Variants in NAXD observed in about 807,000 individuals in gnomAD.
NAXD encodes the protein NAD(P)HX dehydratase.
NAXD carries 22 observed loss-of-function variants against 35.8 expected under a neutral mutation model. The ratio of observed to expected loss-of-function variants is 0.62; its 90% CI spans 0.44 to 0.88. The LOEUF (loss-of-function observed/expected upper bound fraction) is 0.88. NAXD is among the 40% of genes least tolerant of loss of function. NAXD has a pLI of 0.00. For missense variants in NAXD, 428 were observed against 437.7 expected, an observed-to-expected ratio of 0.98 and a Z score of 0.20; for synonymous variants, 189 against 177.6, an observed-to-expected ratio of 1.06 and a Z score of -0.51.
At position 110,615,599 on chromosome 13, in the gene NAXD, C is replaced by T; in HGVS notation, c.-3C>T. ...GGCAGCTGGGAATCCGGAATGCTGC[C>T]CGATGGCCCTGGGTCCTCGCTGTGG... On this transcript the variant is annotated 5_prime_UTR_variant, in exon 1 of 10. Coordinates refer to ENST00000680254, the MANE Select transcript of NAXD (RefSeq NM_001242882.2). 7.2e-7 allele frequency: 1 copy of T among 1,394,906 alleles called. No individual in the cohort carries two copies. Among genetic ancestry groups the T allele is most frequent in the South Asian group, 1.5e-5 (1 of 66,134 alleles). The allele number at this position is 1,394,906 out of a possible 1,614,324, so 86.4% of individuals were successfully genotyped here.
chr13:110,638,376 A>G lies in NAXD; in HGVS notation c.840-2A>G, dbSNP rs1236554448. 6.2e-7 allele frequency: 1 copy of G among 1,613,696 alleles called. No individual in the cohort carries two copies. Among genetic ancestry groups the G allele is most frequent in the South Asian group, 1.1e-5 (1 of 91,052 alleles). ...CACCTCCTGCTGTCCCCCTCTCCGC[A>G]GGTCCAGCCCTCTCCTGGTGGCCGC... On this transcript the variant is annotated splice_acceptor_variant, in intron 9 of 9. Coordinates refer to ENST00000680254, the MANE Select transcript of NAXD (RefSeq NM_001242882.2). LOFTEE classifies it high-confidence loss of function. This position sits in a 1 kb window ranked among gnomAD's most constrained non-coding sequence, Gnocchi z 5.4.
chr13:110,616,167 G>C (rs1886045099), intron 1 of NAXD: 1 of 206,610 alleles, frequency 4.8e-6, no homozygotes, highest in South Asian at 1.8e-4. Context: ...CTTGCTGTTT[G>C]GTCGGAGCTG....
At chr13:110,632,112 T>C (rs1485913921) in intron 5 of NAXD, among the ~76,000 whole-genome samples, 8 of 128,388 alleles carry the variant, frequency 6.2e-5, no homozygotes, top group Admixed American at 5.5e-4. Flanking sequence ...TGGAGTCTGT[T>C]CCTTCTGATG....
chr13:110,620,767 C>T (rs183785061), intron 1 of NAXD, among the ~76,000 whole-genome samples: 51 of 152,248 alleles, frequency 3.3e-4, no homozygotes, highest in African/African-American at 1.2e-3. Context: ...TGCTGTGAAA[C>T]GCTCAGTGAG....
In NAXD at chr13:110,622,255, T is replaced by C; in HGVS notation, c.86T>C (p.Ile29Thr). ...TTTTCGCTACGTAAAGCACATTCGATAAAGGATATGGAAAATACTTTGCAG... is the reference window on the plus strand; with the variant it reads ...TTTTCGCTACGTAAAGCACATTCGACAAAGGATATGGAAAATACTTTGCAG... ...RAFSLRKAHS[I>T]KDMENTLQLV... Residue 29 changes from isoleucine (I) to threonine (T), a missense_variant, in exon 2 of 10, where the codon ATA (isoleucine) becomes ACA (threonine). Physicochemically the swap from Ile to Thr is moderately conservative, Grantham distance 89 (BLOSUM62 -1). Coordinates refer to ENST00000680254, the MANE Select transcript of NAXD (RefSeq NM_001242882.2). 1 of 1,614,136 alleles carries C rather than the reference T, an allele frequency of 6.2e-7. No homozygotes were observed. The highest frequency in any genetic ancestry group is 8.5e-7 in the Non-Finnish European group (1 of 1,179,984).
Position 110,627,665 on chromosome 13 carries a change from TTGAGA to T in NAXD, c.441+120_441+124del, listed in dbSNP as rs376375207. On this transcript the variant is annotated intron_variant, in intron 5 of 9. Coordinates refer to ENST00000680254, the MANE Select transcript of NAXD (RefSeq NM_001242882.2). Reference sequence around the variant, plus strand: ...TTCCGTGTGCCTCTTTGTGGCATGATTGAGATAAGATTTGAGGGACGGAGGAGAAA... The same window carrying T: ...TTCCGTGTGCCTCTTTGTGGCATGATTAAGATTTGAGGGACGGAGGAGAAA... 2.2e-4 allele frequency: 153 copies of T among 690,786 alleles called. 2 individuals carry two copies. Among genetic ancestry groups the T allele is most frequent in the African/African-American group, 2.1e-3 (118 of 56,590 alleles). The allele number at this position is 690,786 out of a possible 1,614,324, so 42.8% of individuals were successfully genotyped here.
Position 110,638,289 on chromosome 13 carries a change from C to T in NAXD, c.840-89C>T, listed in dbSNP as rs768705379. 1.2e-6 allele frequency: 2 copies of T among 1,604,120 alleles called. No homozygotes were observed. Among genetic ancestry groups the T allele is most frequent in the Non-Finnish European group, 1.7e-6 (2 of 1,175,544 alleles). ...ACAATTTGGGGTCCTGAGATTGAAA[C>T]AGGAGTCAAAACCAGAGCCCAGGGT... On this transcript the variant is annotated intron_variant, in intron 9 of 9. Transcript: ENST00000680254. This position sits in a 1 kb window ranked among gnomAD's most constrained non-coding sequence, Gnocchi z 5.4.
In NAXD at chr13:110,638,968, C is replaced by T; in HGVS notation, c.*440C>T. On this transcript the variant is annotated 3_prime_UTR_variant, in exon 10 of 10. Coordinates refer to ENST00000680254, the MANE Select transcript of NAXD (RefSeq NM_001242882.2). The surrounding 1 kb of genome is among the most constrained non-coding windows in gnomAD (Gnocchi z 5.4). The stretch of plus-strand genomic sequence containing the variant: ...CCGGCAGGGAGCTGGGCAGGGGTCC[C>T]CGGGTGTCTCCCTGAGTCCCGACTG... The T allele has an allele frequency of 2.8e-6, 1 of 354,620 alleles. No homozygotes were observed. The allele number at this position is 354,620 out of a possible 1,614,324, so 22.0% of individuals were successfully genotyped here. A position where few individuals can be genotyped will look rare whatever the true frequency, so the allele number is the denominator to read the frequency against.
Position 110,632,807 on chromosome 13 carries a change from T to C in NAXD, c.442-1738T>C, listed in dbSNP as rs369958580. The stretch of plus-strand genomic sequence containing the variant: ...AGAGCAGCTAGATACAGAGTGTCGA[T>C]TGGTGCATTCACAAACCCTGAGCTA... On this transcript the variant is annotated intron_variant, in intron 5 of 9. Coordinates refer to ENST00000680254, the MANE Select transcript of NAXD (RefSeq NM_001242882.2). Among the ~76,000 whole-genome samples, 59 of 151,082 alleles carry C rather than the reference T, an allele frequency of 3.9e-4. 1 individual carries two copies. In the South Asian group the frequency reaches 0.012, roughly 31 times the overall value.
intron 8 of NAXD, among the ~76,000 whole-genome samples, chr13:110,636,857 G>A (rs1285360291): frequency 6.6e-6 from 1 of 152,228 alleles, no homozygotes; most frequent in Non-Finnish European, 1.5e-5. Context: ...GTTCCGAGCT[G>A]CAGGTGTCTC....
Position 110,638,239 on chromosome 13 carries a change from CAG to C in NAXD, c.840-138_840-137del, listed in dbSNP as rs936183929. 5 of 1,554,654 alleles carry C rather than the reference CAG, an allele frequency of 3.2e-6. No homozygotes were observed. Among genetic ancestry groups the C allele is most frequent in the African/African-American group, 2.7e-5 (2 of 72,874 alleles). On this transcript the variant is annotated intron_variant, in intron 9 of 9. Transcript: ENST00000680254. The surrounding 1 kb of genome is among the most constrained non-coding windows in gnomAD (Gnocchi z 5.4). The stretch of plus-strand genomic sequence containing the variant: ...CGCTGTGATAAACCTGCTTTCTCCT[CAG>C]GGGCATATCAGACTTGAAATTGACA...
At position 110,632,400 on chromosome 13, in the gene NAXD, A is replaced by G. The variant is rs192898936; in HGVS notation, c.442-2145A>G. ...AAGAACAAAGTTTCCACAGCGTGGA[A>G]GGGGACCCGAGCGGGTTACCAATGC... On this transcript the variant is annotated intron_variant, in intron 5 of 9. Transcript: ENST00000680254. Among the ~76,000 whole-genome samples the G allele has an allele frequency of 6.8e-4, 103 of 152,318 alleles. 2 individuals carry two copies. Among genetic ancestry groups the G allele is most frequent in the African/African-American group, 2.0e-3 (84 of 41,576 alleles).
At position 110,622,240 on chromosome 13, in the gene NAXD, G is replaced by A. The variant is rs149247530; in HGVS notation, c.71G>A (p.Arg24His). The change falls in exon 2 of 10, where the codon CGT (arginine) becomes CAT (histidine). Residue 24 changes from arginine (R) to histidine (H), a missense_variant. Coordinates refer to ENST00000680254, the MANE Select transcript of NAXD (RefSeq NM_001242882.2). The part of the protein sequence containing the change: ...RRVLERAFSL[R>H]KAHSIKDMEN... ...GTTTTAGAAAGAGCGTTTTCGCTAC[G>A]TAAAGCACATTCGATAAAGGATATG... is the stretch of plus-strand genomic sequence containing the variant. 86 of 1,613,346 alleles carry A rather than the reference G, an allele frequency of 5.3e-5. No individual in the cohort carries two copies. The highest frequency in any genetic ancestry group is 1.2e-4 in the South Asian group (11 of 91,004).
chr13:110,635,485 C>T lies in NAXD; in HGVS notation c.615C>T (p.Asp205=). 6.2e-7 allele frequency: 1 copy of T among 1,614,094 alleles called. No individual in the cohort carries two copies. The highest frequency in any genetic ancestry group is 8.5e-7 in the Non-Finnish European group (1 of 1,179,958). ...LYDAVLRGPM[D]SDDSHGSVLR... is the part of the protein sequence containing the mutation. ...TGTCATAGCTCAGAGGCCCTATGGA[C>T]AGCGATGACAGCCATGGATCTGTGC... The change falls in exon 8 of 10, where the codon GAC becomes GAT. Residue 205 remains aspartate (D), a synonymous_variant. Transcript: ENST00000680254.
At chr13:110,620,155 T>A (rs1886203856) in intron 1 of NAXD, among the ~76,000 whole-genome samples, 1 of 152,008 alleles carries the variant, frequency 6.6e-6, no homozygotes, top group South Asian at 2.1e-4. Flanking sequence ...TTAGCCCTCC[T>A]GGAGGGATTT....
chr13:110,619,593 C>T (rs955192985), intron 1 of NAXD, among the ~76,000 whole-genome samples: 2 of 152,168 alleles, frequency 1.3e-5, no homozygotes, highest in South Asian at 2.1e-4. Context: ...TAAAACTACA[C>T]GCATGCATCT....
intron 7 of NAXD, 113 bp downstream of exon 7, chr13:110,634,889 A>T: frequency 1.3e-6 from 1 of 759,368 alleles, no homozygotes; most frequent in Non-Finnish European, 2.2e-6. Context: ...ACCTGCAAGT[A>T]ATCGCTGTGC....
At position 110,625,211 on chromosome 13, in the gene NAXD, T is replaced by C; in HGVS notation, c.265T>C (p.Phe89Leu). The C allele has an allele frequency of 1.2e-6, 2 of 1,613,920 alleles. No homozygotes were observed. Among genetic ancestry groups the C allele is most frequent in the South Asian group, 2.2e-5 (2 of 91,078 alleles). ...LKVGADLSHV[F>L]CASAAAPVIK... is the part of the protein sequence containing the mutation. The stretch of plus-strand genomic sequence containing the variant: ...TCAGGGCGCAGACTTGTCCCACGTG[T>C]TCTGTGCCAGTGCGGCCGCACCTGT... The change falls in exon 4 of 10, where the codon TTC becomes CTC. Residue 89 changes from phenylalanine to leucine, a missense_variant. Phe to Leu is a conservative substitution (Grantham distance 22). This residue lies in a region of NAXD where 208 missense variants were observed against 193.0 expected (regional missense o/e 1.08). Coordinates refer to ENST00000680254, the MANE Select transcript of NAXD (RefSeq NM_001242882.2).
chr13:110,617,856 G>C (rs1886118733), intron 1 of NAXD, among the ~76,000 whole-genome samples: 1 of 152,210 alleles, frequency 6.6e-6, no homozygotes, highest in Non-Finnish European at 1.5e-5. Flanking sequence ...TGAGGAGAGT[G>C]AATCACGATG....
Sources: gnomAD v4.1 joint callset for allele counts (sites outside exome capture counted in the v4.1 genomes callset) on GRCh38, gnomAD v4.1.1 for gene constraint, gnomAD v4.1.1 regional missense constraint, Gnocchi (gnomAD v3.1) non-coding constraint, MANE v1.5 for transcripts, NCBI Gene and HGNC (gene_info 2026-07-23, HGNC 2026-07-21) for gene names.